BCAS3: variants seen among roughly 807,000 people sequenced by gnomAD.
BCAS3 encodes BCAS3 microtubule associated cell migration factor.
In BCAS3, 53 loss-of-function variants were observed where a neutral mutation model predicts 116.1. The observed-to-expected ratio is 0.46, with a 90% CI of 0.37 to 0.57. The LOEUF (loss-of-function observed/expected upper bound fraction) is 0.57, where lower values mean the gene tolerates loss of function less well. Ranked by LOEUF, BCAS3 falls within the 20% of genes least tolerant of loss-of-function variation. The pLI is 0.00. For synonymous variants in BCAS3, 391 were observed against 408.2 expected (o/e 0.96, Z 0.51); for missense variants, 917 against 1,165.4 (o/e 0.79, Z 3.10).
At chr17:60,932,482 C>G (rs1323819854) in intron 13 of BCAS3, among the ~76,000 whole-genome samples, 1 of 152,146 alleles carries the variant, frequency 6.6e-6, no homozygotes, top group Admixed American at 6.5e-5. Context: ...TGGCTCACGC[C>G]TGTAATCCCA....
intron 1 of BCAS3, among the ~76,000 whole-genome samples, chr17:60,678,273 C>T (rs1034731926): frequency 1.3e-5 from 2 of 152,100 alleles, no homozygotes; most frequent in East Asian, 1.9e-4. Context: ...CAGGTATCCT[C>T]TGAGGAGGTG....
rs1353149712 is a variant in BCAS3, at chr17:61,333,947, C to T, written c.2426-34380C>T. ...GTTCTTGAACCTTTCTGGTCATTTGCTTCCCTGATTGAGAGATGAGTCAGC... is the reference window on the plus strand; with the variant it reads ...GTTCTTGAACCTTTCTGGTCATTTGTTTCCCTGATTGAGAGATGAGTCAGC... On this transcript the variant is annotated intron_variant, in intron 22 of 23. Transcript: ENST00000407086. The surrounding 1 kb of genome is among the most constrained non-coding windows in gnomAD (Gnocchi z 4.8). 1.3e-5 allele frequency among the ~76,000 whole-genome samples: 2 copies of T among 152,152 alleles called. No homozygotes were observed. The highest frequency in any genetic ancestry group is 2.1e-4 in the South Asian group (1 of 4,832).
intron 10 of BCAS3, among the ~76,000 whole-genome samples, chr17:60,892,137 A>G (rs2057196334): frequency 6.6e-6 from 1 of 152,104 alleles, no homozygotes; most frequent in South Asian, 2.1e-4. Context: ...TTTTTAAATT[A>G]ATGATTTCTT....
At chr17:60,965,367 G>A (rs1022002538) in intron 14 of BCAS3, among the ~76,000 whole-genome samples, 7 of 151,384 alleles carry the variant, frequency 4.6e-5, no homozygotes, top group Admixed American at 6.6e-5. Context: ...GATTATAGGC[G>A]CCCGCCACCA....
intron 12 of BCAS3, among the ~76,000 whole-genome samples, chr17:60,920,868 G>A (rs1044937030): frequency 1.6e-5 from 2 of 127,254 alleles, no homozygotes; most frequent in African/African-American, 5.7e-5. Context: ...AGACTCCATC[G>A]CAAACAACAA....
At position 61,095,495 on chromosome 17, in the gene BCAS3, C is replaced by A. The variant is rs530328892; in HGVS notation, c.2425+10931C>A. ...TCGTTTGTTTGTTTTTTTGAGACAACCTCACTTTGTCATCCAGGTTGGAGT... is the reference window on the plus strand; with the variant it reads ...TCGTTTGTTTGTTTTTTTGAGACAAACTCACTTTGTCATCCAGGTTGGAGT... On this transcript the variant is annotated intron_variant, in intron 22 of 23. Coordinates refer to ENST00000407086, the MANE Select transcript of BCAS3 (RefSeq NM_017679.5). This position sits in a 1 kb window ranked among gnomAD's most constrained non-coding sequence, Gnocchi z 4.7. 4.0e-5 allele frequency among the ~76,000 whole-genome samples: 6 copies of A among 151,678 alleles called. No homozygotes were observed. Among genetic ancestry groups the A allele is most frequent in the African/African-American group, 1.5e-4 (6 of 41,310 alleles).
intron 18 of BCAS3, 46 bp from the exon 19 acceptor site, chr17:61,040,746 C>A: frequency 1.4e-6 from 2 of 1,452,834 alleles, no homozygotes; most frequent in Non-Finnish European, 1.9e-6. Flanking sequence ...GATTTACATC[C>A]CATCTATTAA....
intron 19 of BCAS3, among the ~76,000 whole-genome samples, chr17:61,062,998 G>A (rs1423219774): frequency 2.0e-5 from 3 of 152,060 alleles, no homozygotes; most frequent in East Asian, 1.9e-4. Context: ...AAGCTTTCCC[G>A]GGCATTTTCC....
intron 12 of BCAS3, among the ~76,000 whole-genome samples, chr17:60,918,967 A>G (rs539375514): frequency 8.6e-4 from 131 of 152,274 alleles, no homozygotes; most frequent in African/African-American, 2.9e-3. Flanking sequence ...TGCTGGGATT[A>G]CAGGCGTGAG....
intron 22 of BCAS3, among the ~76,000 whole-genome samples, chr17:61,358,138 A>G (rs1237749229): frequency 6.6e-6 from 1 of 152,126 alleles, no homozygotes; most frequent in Non-Finnish European, 1.5e-5. Flanking sequence ...AAAGTAACAG[A>G]AGAGTCCCCT....
At chr17:61,022,357 C>T (rs2065934309) in intron 16 of BCAS3, among the ~76,000 whole-genome samples, 1 of 152,128 alleles carries the variant, frequency 6.6e-6, no homozygotes, top group South Asian at 2.1e-4. Context: ...TCACACCATT[C>T]TCCTCCCTCA....
intron 4 of BCAS3, among the ~76,000 whole-genome samples, chr17:60,692,578 T>TCACAAGG (rs1568027271): frequency 2.0e-5 from 3 of 149,344 alleles, no homozygotes; most frequent in African/African-American, 7.7e-5. Context: ...ATGTTGAATA[T>TCACAAGG]TGAAACAGGA....
chr17:60,842,613 G>A (rs1408325066), intron 7 of BCAS3, among the ~76,000 whole-genome samples: 1 of 151,794 alleles, frequency 6.6e-6, no homozygotes, highest in Non-Finnish European at 1.5e-5. Flanking sequence ...TCTACATTGT[G>A]GGTTATAGTT....
chr17:61,203,071 TAA>T lies in BCAS3; in HGVS notation c.2425+118508_2425+118509del, dbSNP rs920802186. 2.0e-5 allele frequency among the ~76,000 whole-genome samples: 3 copies of T among 152,212 alleles called. No homozygotes were observed. The highest frequency in any genetic ancestry group is 2.4e-5 in the African/African-American group (1 of 41,460). On this transcript the variant is annotated intron_variant, in intron 22 of 23. Coordinates refer to ENST00000407086, the MANE Select transcript of BCAS3 (RefSeq NM_017679.5). The surrounding 1 kb of genome is among the most constrained non-coding windows in gnomAD (Gnocchi z 5.7). ...TAGCTCTCTCTTCAAAAAAATTATT[TAA>T]GTTACATTAAATTTTATTTATTTAT...
At chr17:61,255,474 G>C (rs1393065791) in intron 22 of BCAS3, among the ~76,000 whole-genome samples, 1 of 152,180 alleles carries the variant, frequency 6.6e-6, no homozygotes, top group Admixed American at 6.5e-5. Flanking sequence ...AAACTGGTAT[G>C]ACTACCAAGG....
intron 22 of BCAS3, among the ~76,000 whole-genome samples, chr17:61,202,059 CTTTTTTTTT>C (rs35961240): frequency 2.8e-5 from 2 of 70,334 alleles, no homozygotes; most frequent in Non-Finnish European, 2.7e-5. Flanking sequence ...TGCCCGGCCT[CTTTTTTTTT>C]TTTTTTTTTT....
intron 22 of BCAS3, among the ~76,000 whole-genome samples, chr17:61,273,922 T>C (rs1568726373): frequency 6.8e-6 from 1 of 147,640 alleles, no homozygotes; most frequent in African/African-American, 2.6e-5. Context: ...TCTTTTTTTT[T>C]TCCCCCACTG....
intron 22 of BCAS3, among the ~76,000 whole-genome samples, chr17:61,092,899 C>CTTTTTT (rs959718467): frequency 3.1e-4 from 25 of 79,546 alleles, no homozygotes; most frequent in Admixed American, 4.7e-4. Context: ...TTTGTCCAGT[C>CTTTTTT]TTTTTTTTTT....
chr17:60,940,489 A>G (rs1422195652), intron 13 of BCAS3, among the ~76,000 whole-genome samples: 2 of 152,192 alleles, frequency 1.3e-5, no homozygotes, highest in Non-Finnish European at 2.9e-5. Flanking sequence ...TGAAAGTTTT[A>G]TTAATCTGAC....
Sources: gnomAD v4.1 joint callset for allele counts (sites outside exome capture counted in the v4.1 genomes callset) on GRCh38, gnomAD v4.1.1 for gene constraint, Gnocchi (gnomAD v3.1) non-coding constraint, MANE v1.5 for transcripts, NCBI Gene and HGNC (gene_info 2026-07-23, HGNC 2026-07-21) for gene names.